The following RALYL variants were observed in gnomAD, a reference collection of about 807,000 sequenced individuals.
The protein encoded by RALYL is RNA-binding Raly-like protein.
In RALYL, 29 loss-of-function variants were observed where a neutral mutation model predicts 35.1. That is an observed-to-expected ratio of 0.83 (90% CI 0.61 to 1.13). The LOEUF is 1.13. Among genes scored for constraint, RALYL ranks in the 50% most tolerant of loss-of-function variants. RALYL has a pLI of 0.00. For missense variants in RALYL, 359 were observed against 360.4 expected (o/e 1.00, Z 0.03); for synonymous variants, 120 against 127.6 (o/e 0.94, Z 0.40).
At chr8:84,867,284 T>C (rs747475921) in intron 6 of RALYL, among the ~76,000 whole-genome samples, 1 of 152,222 alleles carries the variant, frequency 6.6e-6, no homozygotes, top group Non-Finnish European at 1.5e-5. Flanking sequence ...TTTTTTATTA[T>C]GGGACTTACA....
chr8:84,279,344 T>A (rs1836066940), intron 1 of RALYL, among the ~76,000 whole-genome samples: 1 of 152,186 alleles, frequency 6.6e-6, no homozygotes, highest in East Asian at 1.9e-4. Flanking sequence ...CTCCAAGTTC[T>A]GTGGTTTCTG....
intron 4 of RALYL, among the ~76,000 whole-genome samples, chr8:84,807,498 A>G (rs908127698): frequency 2.6e-5 from 4 of 152,170 alleles, no homozygotes; most frequent in East Asian, 3.9e-4. Flanking sequence ...TATCTTTTTC[A>G]TATAATGACT....
chr8:84,840,279 C>G (rs1176684852), intron 4 of RALYL, among the ~76,000 whole-genome samples: 1 of 151,978 alleles, frequency 6.6e-6, no homozygotes, highest in Non-Finnish European at 1.5e-5. Context: ...CTTAAAGGAC[C>G]TGATGGAGCT....
intron 1 of RALYL, among the ~76,000 whole-genome samples, chr8:84,377,832 T>C (rs1857234626): frequency 6.6e-6 from 1 of 151,840 alleles, no homozygotes; most frequent in Non-Finnish European, 1.5e-5. Flanking sequence ...AGGCTTAGCT[T>C]AGAGTTCTGC....
At chr8:84,801,090 A>AGTT (rs1321484086) in intron 3 of RALYL, among the ~76,000 whole-genome samples, 5 of 151,178 alleles carry the variant, frequency 3.3e-5, no homozygotes, top group Admixed American at 6.6e-5. Context: ...ACAGCTAAGC[A>AGTT]GTTGGTTTCA....
intron 1 of RALYL, among the ~76,000 whole-genome samples, chr8:84,418,236 G>A (rs755555998): frequency 3.0e-4 from 46 of 152,216 alleles, no homozygotes; most frequent in Non-Finnish European, 3.4e-4. Flanking sequence ...TACTGATTAC[G>A]GAACCTTGGG....
chr8:84,843,251 T>C (rs1002386651), intron 4 of RALYL, among the ~76,000 whole-genome samples: 2 of 152,174 alleles, frequency 1.3e-5, no homozygotes, highest in Non-Finnish European at 2.9e-5. Context: ...CTTAAGCTGA[T>C]AGGCAACTTC....
chr8:84,702,975 T>C (rs1317480063), intron 2 of RALYL, among the ~76,000 whole-genome samples: 1 of 152,138 alleles, frequency 6.6e-6, no homozygotes, highest in African/African-American at 2.4e-5. Context: ...CATTTGGGAT[T>C]CTTGAAGAGG....
chr8:84,648,021 G>A (rs1827863168), intron 2 of RALYL, among the ~76,000 whole-genome samples: 1 of 152,058 alleles, frequency 6.6e-6, no homozygotes, highest in South Asian at 2.1e-4. Flanking sequence ...TTGCATAGCT[G>A]TCTTTTCAAT....
At chr8:84,281,565 C>T (rs1277287316) in intron 1 of RALYL, among the ~76,000 whole-genome samples, 1 of 151,918 alleles carries the variant, frequency 6.6e-6, no homozygotes, top group Admixed American at 6.6e-5. Context: ...GAATTATCTT[C>T]TTCTAATTCC....
intron 1 of RALYL, among the ~76,000 whole-genome samples, chr8:84,308,703 T>A (rs1425465478): frequency 6.6e-6 from 1 of 152,230 alleles, no homozygotes; most frequent in Non-Finnish European, 1.5e-5. Context: ...TGTGTATTTT[T>A]AAATTTAAAG....
At position 84,691,220 on chromosome 8, in the gene RALYL, A is replaced by T. The variant is rs538988187; in HGVS notation, c.257-83359A>T. On this transcript the variant is annotated intron_variant, in intron 2 of 8. Transcript: ENST00000521268. ...CTTTATATGGGATCTAGAAATGATA[A>T]ATGGGCTTGTGATGAACTCTCCTGA... is the stretch of plus-strand genomic sequence containing the variant. Among the ~76,000 whole-genome samples, 17 of 152,162 alleles carry T rather than the reference A, an allele frequency of 1.1e-4. No individual in the cohort carries two copies. In the South Asian group the frequency reaches 1.2e-3, roughly 11 times the overall value.
intron 4 of RALYL, among the ~76,000 whole-genome samples, chr8:84,816,032 C>CAAAAAAAAAAA (rs5892931): frequency 1.1e-4 from 9 of 84,184 alleles, no homozygotes; most frequent in South Asian, 4.5e-4. Flanking sequence ...GACTCTGTCT[C>CAAAAAAAAAAA]AAAAAAAAAA....
Position 84,490,439 on chromosome 8 carries a change from T to A in RALYL, c.-23-38860T>A, listed in dbSNP as rs181596653. On this transcript the variant is annotated intron_variant, in intron 1 of 8. Coordinates refer to ENST00000521268, the MANE Select transcript of RALYL (RefSeq NM_173848.7). The stretch of plus-strand genomic sequence containing the variant: ...AAAGATTGAAGGTTGTTGCCTGGAA[T>A]GATTCCTGAAGCCAAGCATCTTCGG... 4.1e-4 allele frequency among the ~76,000 whole-genome samples: 62 copies of A among 152,130 alleles called. 2 individuals carry two copies. The highest frequency in any genetic ancestry group is 3.8e-3 in the Admixed American group (58 of 15,200).
At chr8:84,893,255 T>A (rs1844181752) in intron 8 of RALYL, among the ~76,000 whole-genome samples, 1 of 152,228 alleles carries the variant, frequency 6.6e-6, no homozygotes, top group African/African-American at 2.4e-5. Flanking sequence ...GATCATTTTA[T>A]GGAAAATATA....
At chr8:84,208,340 G>A (rs918505078) in intron 1 of RALYL, among the ~76,000 whole-genome samples, 5 of 151,870 alleles carry the variant, frequency 3.3e-5, no homozygotes, top group African/African-American at 7.3e-5. Flanking sequence ...TAAGTATATC[G>A]GATGTACTGG....
At chr8:84,430,612 G>GA (rs2047043038) in intron 1 of RALYL, among the ~76,000 whole-genome samples, 2 of 151,986 alleles carry the variant, frequency 1.3e-5, no homozygotes, top group Non-Finnish European at 2.9e-5. Context: ...TTTGGCTCTG[G>GA]AAAAAATCAT....
intron 1 of RALYL, among the ~76,000 whole-genome samples, chr8:84,280,174 C>T (rs1232601825): frequency 1.3e-5 from 2 of 152,084 alleles, no homozygotes; most frequent in Admixed American, 1.3e-4. Context: ...TGTGACTATA[C>T]CATTAAAATC....
chr8:84,889,383 T>C (rs1843443978), intron 8 of RALYL, among the ~76,000 whole-genome samples: 1 of 152,188 alleles, frequency 6.6e-6, no homozygotes, highest in Non-Finnish European at 1.5e-5. Context: ...CTTATTTTAA[T>C]TTACTTCTCA....
Sources: gnomAD v4.1 joint callset for allele counts (sites outside exome capture counted in the v4.1 genomes callset) on GRCh38, gnomAD v4.1.1 for gene constraint, MANE v1.5 for transcripts, NCBI Gene and HGNC (gene_info 2026-07-23, HGNC 2026-07-21) for gene names.